SPDYA: variants seen among roughly 807,000 people sequenced by gnomAD.
SPDYA encodes speedy/RINGO cell cycle regulator family member A, also known as speedy protein A.
SPDYA carries 11 observed loss-of-function variants against 36.7 expected under a neutral mutation model. The observed-to-expected ratio is 0.30, with a 90% CI of 0.19 to 0.50. The LOEUF is 0.50. Among genes scored for constraint, SPDYA ranks in the 20% least tolerant of loss-of-function variants. SPDYA has a pLI of 0.98. For synonymous variants in SPDYA, 115 were observed against 118.7 expected (o/e 0.97, Z 0.20); for missense variants, 287 against 370.9 (o/e 0.77, Z 1.86).
At chr2:28,817,968 C>A (rs1048282717) in intron 3 of SPDYA, among the ~76,000 whole-genome samples, 1 of 150,372 alleles carries the variant, frequency 6.7e-6, no homozygotes, top group Non-Finnish European at 1.5e-5. Context: ...CAAGACCAGC[C>A]TGGGGCAACG....
intron 1 of SPDYA, among the ~76,000 whole-genome samples, chr2:28,812,857 CAAAA>C (rs70956047): frequency 9.5e-5 from 8 of 84,048 alleles, no homozygotes; most frequent in Admixed American, 1.5e-4. Context: ...AACTCCGTCT[CAAAA>C]AAAAAAAAAA....
At chr2:28,815,605 TAAC>T (rs1250165931) in intron 2 of SPDYA, among the ~76,000 whole-genome samples, 2 of 151,978 alleles carry the variant, frequency 1.3e-5, no homozygotes, top group East Asian at 3.9e-4. Context: ...AGGTGGCATA[TAAC>T]AACAATATAA....
At chr2:28,827,727 T>G (rs1668367026) in intron 5 of SPDYA, among the ~76,000 whole-genome samples, 1 of 152,212 alleles carries the variant, frequency 6.6e-6, no homozygotes, top group African/African-American at 2.4e-5. Context: ...GGTTTAATTT[T>G]CTTCATGTTT....
chr2:28,838,461 GT>G (rs1668666961), intron 6 of SPDYA, among the ~76,000 whole-genome samples: 1 of 152,074 alleles, frequency 6.6e-6, no homozygotes, highest in South Asian at 2.1e-4. Flanking sequence ...GATTACAAGT[GT>G]GAGCCACTGC....
intron 5 of SPDYA, among the ~76,000 whole-genome samples, chr2:28,826,642 A>G (rs1286199527): frequency 1.2e-5 from 1 of 81,018 alleles, no homozygotes; most frequent in African/African-American, 4.9e-5. Flanking sequence ...TTTTTGAGAC[A>G]GTCTAACTGT....
chr2:28,834,198 G>T (rs1668538570), intron 6 of SPDYA, among the ~76,000 whole-genome samples: 2 of 151,704 alleles, frequency 1.3e-5, no homozygotes, highest in Admixed American at 1.3e-4. Flanking sequence ...CCACTATGAT[G>T]GCTATAAACA....
Position 28,811,857 on chromosome 2 carries a change from G to GA in SPDYA, c.-93+911dup, listed in dbSNP as rs768915493. 6.6e-5 allele frequency among the ~76,000 whole-genome samples: 10 copies of GA among 152,164 alleles called. No individual in the cohort carries two copies. Among genetic ancestry groups the GA allele is most frequent in the Non-Finnish European group, 1.3e-4 (9 of 68,032 alleles). ...TGTAATCCCAGCTCCTCGGGAGGCT[G>GA]AGGCGGGAGAATCGCTTGAACCCGG... On this transcript the variant is annotated intron_variant, in intron 1 of 7. Coordinates refer to ENST00000334056, the MANE Select transcript of SPDYA (RefSeq NM_182756.4). This position sits in a 1 kb window ranked among gnomAD's most constrained non-coding sequence, Gnocchi z 4.2.
At chr2:28,837,995 A>C (rs1319579431) in intron 6 of SPDYA, among the ~76,000 whole-genome samples, 3 of 151,982 alleles carry the variant, frequency 2.0e-5, no homozygotes, top group African/African-American at 2.4e-5. Context: ...AAAAATGACA[A>C]AAGAATAAGA....
At chr2:28,818,440 TAAAAA>T (rs372056967) in intron 3 of SPDYA, among the ~76,000 whole-genome samples, 18 of 109,996 alleles carry the variant, frequency 1.6e-4, no homozygotes, top group African/African-American at 5.4e-4. Context: ...CCTGTCTCTT[TAAAAA>T]AAAAAAAAAA....
rs56865803 is a variant in SPDYA, at chr2:28,834,081, AACAC to A, written c.552+4793_552+4796del. 6.9e-4 allele frequency among the ~76,000 whole-genome samples: 101 copies of A among 146,964 alleles called. 1 individual carries two copies. The highest frequency in any genetic ancestry group is 1.2e-3 in the East Asian group (6 of 4,966). ...CCAAAGAAGGTATGCAAATTGCTAA[AACAC>A]ACACACACACACACACACACACACA... On this transcript the variant is annotated intron_variant, in intron 6 of 7. Coordinates refer to ENST00000334056, the MANE Select transcript of SPDYA (RefSeq NM_182756.4).
At position 28,811,634 on chromosome 2, in the gene SPDYA, GA is replaced by G. The variant is rs1667847024; in HGVS notation, c.-93+691del. ...CCAGGATTCGAGAGCAGCCCACAGC[GA>G]AAACCCCGTCTCTACAAAAAAATAA... On this transcript the variant is annotated intron_variant, in intron 1 of 7. Transcript: ENST00000334056. The surrounding 1 kb of genome is among the most constrained non-coding windows in gnomAD (Gnocchi z 4.2). Among the ~76,000 whole-genome samples the G allele has an allele frequency of 6.6e-6, 1 of 151,700 alleles. No individual in the cohort carries two copies. Among genetic ancestry groups the G allele is most frequent in the African/African-American group, 2.4e-5 (1 of 41,264 alleles).
Position 28,839,715 on chromosome 2 carries a change from G to A in SPDYA, c.553-457G>A, listed in dbSNP as rs149002532. On this transcript the variant is annotated intron_variant, in intron 6 of 7. Coordinates refer to ENST00000334056, the MANE Select transcript of SPDYA (RefSeq NM_182756.4). ...GACGGAGTTTCACCGTGTTAGACAG[G>A]ATGGTCTTGATCTCCTGACTTTGTG... Among the ~76,000 whole-genome samples the A allele has an allele frequency of 3.2e-3, 485 of 152,188 alleles. 5 individuals carry two copies. The highest frequency in any genetic ancestry group is 0.011 in the African/African-American group (468 of 41,532).
intron 7 of SPDYA, chr2:28,840,765 G>C: frequency 2.8e-6 from 3 of 1,069,004 alleles, no homozygotes; most frequent in Non-Finnish European, 3.4e-6. Context: ...TTATTCAAAA[G>C]GGTTTCAAGA....
At chr2:28,831,426 G>C (rs1192556897) in intron 6 of SPDYA, among the ~76,000 whole-genome samples, 1 of 152,020 alleles carries the variant, frequency 6.6e-6, no homozygotes, top group East Asian at 1.9e-4. Flanking sequence ...TAGGCAGTAG[G>C]GATATGGATG....
intron 7 of SPDYA, among the ~76,000 whole-genome samples, chr2:28,845,861 A>G (rs1243909476): frequency 6.6e-6 from 1 of 152,046 alleles, no homozygotes; most frequent in East Asian, 1.9e-4. Flanking sequence ...CTCATTTTCT[A>G]CGATTAATCA....
At position 28,811,657 on chromosome 2, in the gene SPDYA, AT is replaced by A. The variant is rs1667847797; in HGVS notation, c.-93+711del. Among the ~76,000 whole-genome samples the A allele has an allele frequency of 6.6e-6, 1 of 152,020 alleles. No homozygotes were observed. The highest frequency in any genetic ancestry group is 2.4e-5 in the African/African-American group (1 of 41,310). On this transcript the variant is annotated intron_variant, in intron 1 of 7. Coordinates refer to ENST00000334056, the MANE Select transcript of SPDYA (RefSeq NM_182756.4). This position sits in a 1 kb window ranked among gnomAD's most constrained non-coding sequence, Gnocchi z 4.2. The stretch of plus-strand genomic sequence containing the variant: ...GCGAAAACCCCGTCTCTACAAAAAA[AT>A]AATGAAAAAAAAAATTAACCGGGCA...
At chr2:28,841,223 C>T (rs947916763) in intron 7 of SPDYA, among the ~76,000 whole-genome samples, 1 of 151,986 alleles carries the variant, frequency 6.6e-6, no homozygotes, top group Non-Finnish European at 1.5e-5. Flanking sequence ...CACGAGCTAC[C>T]GCACCCAGGC....
intron 6 of SPDYA, among the ~76,000 whole-genome samples, chr2:28,836,995 C>T (rs1158774391): frequency 1.3e-5 from 2 of 152,116 alleles, no homozygotes; most frequent in African/African-American, 4.8e-5. Context: ...TCTCTATTCC[C>T]GTTAATACTC....
chr2:28,814,987 A>G (rs1667949681), intron 2 of SPDYA, among the ~76,000 whole-genome samples: 1 of 152,182 alleles, frequency 6.6e-6, no homozygotes, highest in Non-Finnish European at 1.5e-5. Flanking sequence ...TTACAACTTT[A>G]AAAATTAGAA....
Sources: gnomAD v4.1 joint callset for allele counts (sites outside exome capture counted in the v4.1 genomes callset) on GRCh38, gnomAD v4.1.1 for gene constraint, Gnocchi (gnomAD v3.1) non-coding constraint, MANE v1.5 for transcripts, NCBI Gene and HGNC (gene_info 2026-07-23, HGNC 2026-07-21) for gene names.